The following LOXL2 variants were observed in gnomAD, a reference collection of about 807,000 sequenced individuals.
LOXL2 encodes lysyl oxidase homolog 2.
Under a neutral mutation model 93.0 loss-of-function variants are expected in LOXL2, and 70 were observed. That is an observed-to-expected ratio of 0.75 (90% CI 0.62 to 0.92). The LOEUF (loss-of-function observed/expected upper bound fraction) is 0.92. Ranked by LOEUF, LOXL2 falls within the 40% of genes least tolerant of loss-of-function variation. The pLI, the probability that LOXL2 is intolerant of heterozygous loss-of-function variation, is 0.00. For synonymous variants in LOXL2, 438 were observed against 413.2 expected, an observed-to-expected ratio of 1.06 and a Z score of -0.73; for missense variants, 973 against 1,054.9, an observed-to-expected ratio of 0.92 and a Z score of 1.08.
intron 3 of LOXL2, among the ~76,000 whole-genome samples, chr8:23,346,944 TCG>T (rs1803999824): frequency 6.6e-6 from 1 of 152,182 alleles, no homozygotes; most frequent in Non-Finnish European, 1.5e-5. Context: ...TCTGCTCACC[TCG>T]CATGCAGCCT....
intron 3 of LOXL2, among the ~76,000 whole-genome samples, chr8:23,346,153 A>C (rs1188714175): frequency 7.7e-6 from 1 of 129,794 alleles, no homozygotes; most frequent in Non-Finnish European, 1.6e-5. Flanking sequence ...AAATAAAATA[A>C]AATAAAAAAT....
At chr8:23,357,065 TCA>T (rs1262881948) in intron 3 of LOXL2, among the ~76,000 whole-genome samples, 1 of 151,290 alleles carries the variant, frequency 6.6e-6, no homozygotes. Context: ...ATATTTTTTT[TCA>T]GTCTTCTTTT....
intron 9 of LOXL2, among the ~76,000 whole-genome samples, chr8:23,316,001 TCTC>T: frequency 6.6e-6 from 1 of 152,262 alleles, no homozygotes; most frequent in Non-Finnish European, 1.5e-5. Flanking sequence ...TCTCGCCATC[TCTC>T]CTCTCACAAG....
intron 1 of LOXL2, among the ~76,000 whole-genome samples, chr8:23,393,010 T>G (rs962560774): frequency 5.3e-5 from 8 of 152,066 alleles, no homozygotes; most frequent in African/African-American, 1.9e-4. Flanking sequence ...AAAAGAAATA[T>G]AAACTTTATA....
chr8:23,385,764 T>C, intron 1 of LOXL2: 1 of 581,542 alleles, frequency 1.7e-6, no homozygotes, highest in Admixed American at 3.0e-5. Context: ...TTTCCAAAAG[T>C]AGAATAAAAT....
At chr8:23,386,353 A>G (rs1342333058) in intron 1 of LOXL2, among the ~76,000 whole-genome samples, 2 of 152,230 alleles carry the variant, frequency 1.3e-5, no homozygotes, top group African/African-American at 4.8e-5. Context: ...AGCTCATGCC[A>G]CTGCACTACA....
chr8:23,370,657 T>TCC lies in LOXL2; in HGVS notation c.-83-2225_-83-2224dup, dbSNP rs1450344751. 2.0e-5 allele frequency: 3 copies of TCC among 152,082 alleles called. No homozygotes were observed. The East Asian group carries it at 5.8e-4, about 29-fold the overall frequency. 9.4% of individuals were successfully genotyped at this position (152,082 alleles called of 1,614,324 possible). ...GTGAGGCTCACTTTTGTCTCTGCTT[T>TCC]CCCCCGGAAGATACTCGCCAATTCC... On this transcript the variant is annotated intron_variant, in intron 1 of 13. Transcript: ENST00000389131.
intron 1 of LOXL2, among the ~76,000 whole-genome samples, chr8:23,371,569 G>A (rs1359790701): frequency 6.6e-6 from 1 of 151,566 alleles, no homozygotes; most frequent in Non-Finnish European, 1.5e-5. Flanking sequence ...CGGCTAACAC[G>A]GTGAAACCCC....
intron 3 of LOXL2, among the ~76,000 whole-genome samples, chr8:23,344,766 C>T (rs760161090): frequency 1.3e-5 from 2 of 152,072 alleles, no homozygotes; most frequent in Admixed American, 6.6e-5. Context: ...CTGAAAGGAT[C>T]GTGTTCCTTG....
At chr8:23,393,789 A>T (rs1279224526) in intron 1 of LOXL2, among the ~76,000 whole-genome samples, 1 of 152,228 alleles carries the variant, frequency 6.6e-6, no homozygotes, top group African/African-American at 2.4e-5. Context: ...GTGAGAAAAA[A>T]GGGTGATGAC....
At chr8:23,303,171 G>A in intron 11 of LOXL2, 111 bp downstream of exon 11, 1 of 738,258 alleles carries the variant, frequency 1.4e-6, no homozygotes, top group South Asian at 1.4e-5. Context: ...GGTGGCAGTG[G>A]TCAGAGTGAC....
intron 3 of LOXL2, among the ~76,000 whole-genome samples, chr8:23,347,704 C>A (rs1032731528): frequency 6.6e-6 from 1 of 151,962 alleles, no homozygotes; most frequent in African/African-American, 2.4e-5. Context: ...TGTGGTGGCT[C>A]ACATCTATAA....
chr8:23,315,823 A>G (rs1223477061), intron 9 of LOXL2, among the ~76,000 whole-genome samples: 1 of 152,168 alleles, frequency 6.6e-6, no homozygotes, highest in African/African-American at 2.4e-5. Flanking sequence ...TTTTTATTTT[A>G]TGCTATCTTG....
At chr8:23,329,421 C>A (rs1024682374) in intron 5 of LOXL2, among the ~76,000 whole-genome samples, 8 of 152,210 alleles carry the variant, frequency 5.3e-5, no homozygotes, top group Non-Finnish European at 8.8e-5. Flanking sequence ...CTGAGTTAGA[C>A]AGGAGTAAGA....
intron 1 of LOXL2, among the ~76,000 whole-genome samples, chr8:23,396,841 T>A (rs1235711333): frequency 6.6e-6 from 1 of 152,248 alleles, no homozygotes; most frequent in Non-Finnish European, 1.5e-5. Context: ...AATGTTCTAT[T>A]CTTGATGTAG....
intron 3 of LOXL2, among the ~76,000 whole-genome samples, chr8:23,342,440 T>C (rs1317901202): frequency 6.6e-6 from 1 of 150,914 alleles, no homozygotes; most frequent in Non-Finnish European, 1.5e-5. Context: ...TTTCTTTTTT[T>C]TTTTTTTTTG....
Position 23,322,211 on chromosome 8 carries a change from G to A in LOXL2, c.1221C>T (p.Phe407=). 1 of 1,614,164 alleles carries A rather than the reference G, an allele frequency of 6.2e-7. No individual in the cohort carries two copies. The highest frequency in any genetic ancestry group is 1.7e-5 in the Admixed American group (1 of 60,026). Reference sequence around the variant, plus strand: ...GGTTGCAGCCCTGAGACTCGGCATTGAACTTGCAGTCTATAATGGACTTCT... The same window carrying A: ...GGTTGCAGCCCTGAGACTCGGCATTAAACTTGCAGTCTATAATGGACTTCT... The part of the protein sequence containing the change: ...GNEKSIIDCK[F]NAESQGCNHE... Residue 407 remains phenylalanine, a synonymous_variant, in exon 7 of 14, where the codon TTC becomes TTT. Transcript: ENST00000389131.
At chr8:23,302,467 C>A (rs910796557) in intron 11 of LOXL2, among the ~76,000 whole-genome samples, 2 of 151,990 alleles carry the variant, frequency 1.3e-5, no homozygotes, top group African/African-American at 4.8e-5. Flanking sequence ...GTGTGTGGAC[C>A]GAGGAAATCT....
chr8:23,304,415 T>C (rs1339073628), intron 10 of LOXL2, among the ~76,000 whole-genome samples: 3 of 152,230 alleles, frequency 2.0e-5, no homozygotes, highest in African/African-American at 7.2e-5. Context: ...GAGGTTGTCT[T>C]AGCCCGATCC....
Sources: allele counts gnomAD v4.1 joint callset (sites outside exome capture counted in the v4.1 genomes callset), GRCh38; gene constraint gnomAD v4.1.1; transcripts MANE v1.5; gene names NCBI Gene and HGNC (gene_info 2026-07-23, HGNC 2026-07-21).